The following KAZN variants were observed in gnomAD, a reference collection of about 807,000 sequenced individuals.
The protein encoded by KAZN is kazrin, periplakin interacting protein, also known as kazrin.
KAZN carries 40 observed loss-of-function variants against 87.4 expected under a neutral mutation model. The ratio of observed to expected loss-of-function variants is 0.46; its 90% CI spans 0.36 to 0.60. The LOEUF is 0.60. Among genes scored for constraint, KAZN ranks in the 20% least tolerant of loss-of-function variants. The probability of loss-of-function intolerance (pLI) is 0.00; values close to 1 mark genes in which losing one functional copy is unlikely to be tolerated. For synonymous variants in KAZN, 466 were observed against 458.3 expected (o/e 1.02, Z -0.22); for missense variants, 898 against 1,073.9 (o/e 0.84, Z 2.29).
intron 2 of KAZN, among the ~76,000 whole-genome samples, chr1:14,419,980 G>T (rs572584992): frequency 6.6e-6 from 1 of 152,140 alleles, no homozygotes; most frequent in Non-Finnish European, 1.5e-5. Flanking sequence ...TGCCACTCCC[G>T]GCTCCGGCAG....
chr1:13,930,288 C>G (rs540581020), intron 1 of KAZN, among the ~76,000 whole-genome samples: 4 of 152,196 alleles, frequency 2.6e-5, no homozygotes, highest in African/African-American at 9.7e-5. Context: ...GGACAAGCCC[C>G]GGGGAAGCTG....
chr1:14,126,602 CTTTTA>C (rs1484320887), intron 1 of KAZN, among the ~76,000 whole-genome samples: 1 of 150,656 alleles, frequency 6.6e-6, no homozygotes, highest in Non-Finnish European at 1.5e-5. Flanking sequence ...ATAAATATCA[CTTTTA>C]TTTTACAAAT....
intron 1 of KAZN, among the ~76,000 whole-genome samples, chr1:14,834,653 G>A (rs10927561): frequency 0.13 from 20,245 of 152,078 alleles, 1,426 homozygotes; most frequent in East Asian, 0.25. Context: ...GAGCCACTGC[G>A]CCCAGCTGAA....
At chr1:14,652,617 TCATCCACCCATCCACCCACCCATC>T (rs1638502617) in intron 1 of KAZN, among the ~76,000 whole-genome samples, 1 of 38,298 alleles carries the variant, frequency 2.6e-5, no homozygotes. Context: ...ATGCACCCAC[TCATCCACCCATCCACCCACCCATC>T]CATCCACCCA....
At chr1:14,126,001 G>T (rs544604800) in intron 1 of KAZN, among the ~76,000 whole-genome samples, 1 of 152,128 alleles carries the variant, frequency 6.6e-6, no homozygotes, top group African/African-American at 2.4e-5. Flanking sequence ...CTCTTACCTG[G>T]CCTTAGAGGC....
At chr1:14,860,209 T>A (rs1650673240) in intron 1 of KAZN, among the ~76,000 whole-genome samples, 1 of 151,798 alleles carries the variant, frequency 6.6e-6, no homozygotes, top group Non-Finnish European at 1.5e-5. Flanking sequence ...TTCTCTTTCT[T>A]TCAACAGGGT....
rs117727538 is a variant in KAZN, at chr1:14,419,248, G to A, written c.250-179735G>A. Among the ~76,000 whole-genome samples the A allele has an allele frequency of 1.6e-3, 241 of 152,264 alleles. 5 individuals carry two copies. The East Asian group carries it at 0.042, about 26-fold the overall frequency. On this transcript the variant is annotated intron_variant, in intron 2 of 16. Coordinates refer to the KAZN transcript ENST00000636203. ...CTGTCATTTTAAAAGTAAGTAAACT[G>A]AAGCCCAGAGAAATTCAGTGACTTT...
At chr1:14,099,612 C>G (rs1192519013) in intron 1 of KAZN, among the ~76,000 whole-genome samples, 2 of 152,190 alleles carry the variant, frequency 1.3e-5, no homozygotes, top group East Asian at 3.9e-4. Flanking sequence ...GAAACTCCCT[C>G]TCACCTGAGG....
chr1:14,262,602 C>G (rs1651154268), intron 2 of KAZN, among the ~76,000 whole-genome samples: 1 of 152,182 alleles, frequency 6.6e-6, no homozygotes, highest in Admixed American at 6.5e-5. Context: ...TGAACACTGT[C>G]CGATGTCATT....
intron 2 of KAZN, among the ~76,000 whole-genome samples, chr1:14,539,367 A>T (rs191059688): frequency 1.8e-3 from 279 of 152,360 alleles, no homozygotes; most frequent in African/African-American, 6.3e-3. Flanking sequence ...CTGGAGCAAT[A>T]TAAGGACATT....
At chr1:15,103,684 T>G (rs1641180152) in intron 12 of KAZN, among the ~76,000 whole-genome samples, 1 of 151,884 alleles carries the variant, frequency 6.6e-6, no homozygotes, top group South Asian at 2.1e-4. Context: ...AGGAGGGAAC[T>G]GCTTACCTTC....
chr1:14,292,680 G>A (rs566177779), intron 2 of KAZN, among the ~76,000 whole-genome samples: 1 of 152,204 alleles, frequency 6.6e-6, no homozygotes, highest in Non-Finnish European at 1.5e-5. Context: ...GGTGATAAAT[G>A]TGCTCCCGCC....
chr1:14,257,975 G>A (rs867440114), intron 2 of KAZN, among the ~76,000 whole-genome samples: 153 of 87,610 alleles, frequency 1.7e-3, no homozygotes, highest in Middle Eastern at 0.012. Context: ...AAAAAAAAGA[G>A]AAAAAAAAAA....
At chr1:14,560,466 C>G (rs1490728570) in intron 2 of KAZN, among the ~76,000 whole-genome samples, 2 of 152,140 alleles carry the variant, frequency 1.3e-5, no homozygotes, top group African/African-American at 4.8e-5. Flanking sequence ...GTAATCCCAG[C>G]TACTCAGAAG....
In KAZN at chr1:14,359,347, T is replaced by C. The variant is rs546837953; in HGVS notation, c.249+178755T>C. ...TGTGTGTCTTTGCACATGAGATGGG[T>C]CTCCTGAATACAGCACACTGATGGG... On this transcript the variant is annotated intron_variant, in intron 2 of 16. Transcript: ENST00000636203. Among the ~76,000 whole-genome samples, 12 of 152,208 alleles carry C rather than the reference T, an allele frequency of 7.9e-5. 1 individual carries two copies. Among genetic ancestry groups the C allele is most frequent in the African/African-American group, 2.9e-4 (12 of 41,514 alleles).
rs1644995555 is a variant in KAZN, at chr1:14,770,634, G to T, written c.226+171411G>T. ...AGGAAGAGTGGGAATGGGATTGGGG[G>T]CTGGAGAAACAAATTTAGCCTGGAG... On this transcript the variant is annotated intron_variant, in intron 1 of 14. Coordinates refer to ENST00000376030, the MANE Select transcript of KAZN (RefSeq NM_201628.3). 2.0e-5 allele frequency among the ~76,000 whole-genome samples: 3 copies of T among 152,246 alleles called. No individual in the cohort carries two copies. In the South Asian group the frequency reaches 6.2e-4, roughly 32 times the overall value.
chr1:14,432,260 G>T (rs980369732), intron 2 of KAZN, among the ~76,000 whole-genome samples: 3 of 152,184 alleles, frequency 2.0e-5, no homozygotes, highest in African/African-American at 7.2e-5. Flanking sequence ...GTAGATCATG[G>T]ACCATAAGTC....
In KAZN at chr1:14,801,692, G is replaced by GTT. The variant is rs373600027; in HGVS notation, c.227-158983_227-158982dup. The stretch of plus-strand genomic sequence containing the variant: ...TTTTTTTTGTTTTTTTTGTTTTTTT[G>GTT]TTTTTTTTTTGAGTGGAGTCTCGCT... On this transcript the variant is annotated intron_variant, in intron 1 of 14. Coordinates refer to ENST00000376030, the MANE Select transcript of KAZN (RefSeq NM_201628.3). 8.9e-3 allele frequency among the ~76,000 whole-genome samples: 1,311 copies of GTT among 146,830 alleles called. 27 individuals are homozygous for GTT. The highest frequency in any genetic ancestry group is 0.031 in the African/African-American group (1,222 of 39,896).
chr1:14,699,799 A>G (rs1036882254), intron 1 of KAZN, among the ~76,000 whole-genome samples: 5 of 152,202 alleles, frequency 3.3e-5, no homozygotes, highest in African/African-American at 1.2e-4. Context: ...GCCAGTGTCC[A>G]TGGTGTAAAT....
Sources: allele counts gnomAD v4.1 joint callset (sites outside exome capture counted in the v4.1 genomes callset), GRCh38; gene constraint gnomAD v4.1.1; transcripts MANE v1.5; gene names NCBI Gene and HGNC (gene_info 2026-07-23, HGNC 2026-07-21).